Variants in MCPH1 observed in about 807,000 individuals in gnomAD.
MCPH1 encodes microcephalin 1.
A neutral mutation model predicts 84.5 loss-of-function variants in MCPH1; 104 were observed. The observed-to-expected ratio is 1.23, with a 90% confidence interval of 1.05 to 1.45. The LOEUF is 1.45. MCPH1 is among the 40% of genes most tolerant of loss of function. The pLI is 0.00. For missense variants in MCPH1, 1,498 were observed against 1,005.7 expected, an observed-to-expected ratio of 1.49 and a Z score of -6.62; for synonymous variants, 514 against 366.8, an observed-to-expected ratio of 1.40 and a Z score of -4.58.
chr8:6,567,045 C>T (rs1235457343), intron 12 of MCPH1, among the ~76,000 whole-genome samples: 13 of 144,068 alleles, frequency 9.0e-5, no homozygotes, highest in East Asian at 2.1e-4. Context: ...CATGTGTGAT[C>T]GGCAAGGCCA....
At chr8:6,457,822 A>G (rs1307676307) in intron 9 of MCPH1, among the ~76,000 whole-genome samples, 1 of 152,058 alleles carries the variant, frequency 6.6e-6, no homozygotes, top group African/African-American at 2.4e-5. Flanking sequence ...TCCAGTCCTT[A>G]TTAGTGTTCA....
chr8:6,643,270 T>C lies in MCPH1; in HGVS notation c.*221T>C. On this transcript the variant is annotated 3_prime_UTR_variant, in exon 14 of 14. Transcript: ENST00000344683. ...TTCGGGCCTTTTTATTTTTATTTTA[T>C]TTTTTATTTTTTGAGACGGAGTCCT... 1.8e-6 allele frequency: 1 copy of C among 567,114 alleles called. No homozygotes were observed. The highest frequency in any genetic ancestry group is 2.1e-5 in the South Asian group (1 of 46,620). The allele number at this position is 567,114 out of a possible 1,614,324, so 35.1% of individuals were successfully genotyped here.
Position 6,423,010 on chromosome 8 carries a change from A to T in MCPH1, c.233+8127A>T, listed in dbSNP as rs539602148. Among the ~76,000 whole-genome samples, 46 of 151,124 alleles carry T rather than the reference A, an allele frequency of 3.0e-4. 2 individuals carry two copies. In the South Asian group the frequency reaches 9.4e-3, roughly 31 times the overall value. On this transcript the variant is annotated intron_variant, in intron 3 of 13. Coordinates refer to ENST00000344683, the MANE Select transcript of MCPH1 (RefSeq NM_024596.5). The stretch of plus-strand genomic sequence containing the variant: ...GCCAATTTTTATATTTTTAGGAGAG[A>T]CAGGGTTTCACCATGTTGGCCAGGC...
chr8:6,636,630 G>A (rs957579509), intron 13 of MCPH1, among the ~76,000 whole-genome samples: 1 of 152,140 alleles, frequency 6.6e-6, no homozygotes, highest in East Asian at 1.9e-4. Context: ...CAGTCATGCT[G>A]TCGCACCTGG....
chr8:6,627,230 G>C (rs1586863716), intron 13 of MCPH1: 3 of 985,302 alleles, frequency 3.0e-6, no homozygotes. Context: ...AGATATGTGA[G>C]GCTTGATCAG....
rs1829443730 is a variant in MCPH1, at chr8:6,602,416, T to C, written c.2215-19038T>C. 2.0e-5 allele frequency among the ~76,000 whole-genome samples: 3 copies of C among 152,178 alleles called. No individual in the cohort carries two copies. In the South Asian group the frequency reaches 6.2e-4, roughly 32 times the overall value. ...CAACCAGAGGTGTCCGCAGGACACC[T>C]GAGCCTCAGCAGTGTCTGTGAGGAT... On this transcript the variant is annotated intron_variant, in intron 12 of 13. Coordinates refer to ENST00000344683, the MANE Select transcript of MCPH1 (RefSeq NM_024596.5).
intron 3 of MCPH1, among the ~76,000 whole-genome samples, chr8:6,416,275 TATGTCATGTCATGTC>T (rs58125557): frequency 0.97 from 147,310 of 151,584 alleles, 71,710 homozygotes; most frequent in Non-Finnish European, 1. Flanking sequence ...GGCCGCATGT[TATGTCATGTCATGTC>T]ATGTCATGTC....
chr8:6,627,683 C>T (rs572655589), intron 13 of MCPH1, among the ~76,000 whole-genome samples: 2 of 151,964 alleles, frequency 1.3e-5, no homozygotes, highest in African/African-American at 4.8e-5. Context: ...TTGAGCCCAG[C>T]AGCTCGAGTC....
At chr8:6,431,245 A>T (rs573511760) in intron 3 of MCPH1, among the ~76,000 whole-genome samples, 7 of 152,288 alleles carry the variant, frequency 4.6e-5, no homozygotes, top group African/African-American at 1.4e-4. Context: ...TACAAGTCAA[A>T]AATTGTTGTG....
intron 3 of MCPH1, among the ~76,000 whole-genome samples, chr8:6,425,623 A>G (rs1009809709): frequency 1.3e-5 from 2 of 152,246 alleles, no homozygotes; most frequent in Non-Finnish European, 2.9e-5. Flanking sequence ...GGAACAGAAC[A>G]CATCTTCCAC....
chr8:6,623,035 T>G (rs1424139988), intron 13 of MCPH1, among the ~76,000 whole-genome samples: 2 of 127,046 alleles, frequency 1.6e-5, no homozygotes, highest in East Asian at 4.4e-4. Context: ...TTTTTTTTTG[T>G]AGAGATGGGG....
intron 12 of MCPH1, among the ~76,000 whole-genome samples, chr8:6,577,806 C>G (rs562729689): frequency 6.6e-6 from 1 of 152,326 alleles, no homozygotes; most frequent in African/African-American, 2.4e-5. Context: ...GACCTTGTAG[C>G]CTAGAAAGAC....
chr8:6,406,869 TGCTCCTGCTCTCTCCCCCGCTGCCTGTCC>T (rs1797778984), intron 1 of MCPH1, among the ~76,000 whole-genome samples, 180 bp downstream of exon 1: 17 of 4,802 alleles, frequency 3.5e-3, no homozygotes, highest in African/African-American at 8.5e-3. Context: ...CAAAACCCCC[TGCTCCTGCTCTCTCCCCCGCTGCCTGTCC>T]CCCCAAAACC....
chr8:6,617,900 A>ATCTAATCTATCTATCT lies in MCPH1; in HGVS notation c.2215-3554_2215-3553insTCTAATCTATCTATCT, dbSNP rs1554480975. On this transcript the variant is annotated intron_variant, in intron 12 of 13. Coordinates refer to ENST00000344683, the MANE Select transcript of MCPH1 (RefSeq NM_024596.5). The stretch of plus-strand genomic sequence containing the variant: ...CATCCATCTATCTATCTATCTATCT[A>ATCTAATCTATCTATCT]ATCTATCTATCTATCTATCTATCTA... Among the ~76,000 whole-genome samples, 24 of 143,134 alleles carry ATCTAATCTATCTATCT rather than the reference A, an allele frequency of 1.7e-4. 1 individual carries two copies. Among genetic ancestry groups the ATCTAATCTATCTATCT allele is most frequent in the Admixed American group, 3.6e-4 (5 of 14,082 alleles). 93.9% of individuals were successfully genotyped at this position (143,134 alleles called of 152,430 possible).
rs1200664631 is a variant in MCPH1 at position 6,619,425 on chromosome 8, G to C, written c.2215-2029G>C. 2.6e-5 allele frequency among the ~76,000 whole-genome samples: 4 copies of C among 151,918 alleles called. No individual in the cohort carries two copies. In the East Asian group the frequency reaches 7.7e-4, roughly 29 times the overall value. On this transcript the variant is annotated intron_variant, in intron 12 of 13. Transcript: ENST00000344683. ...CCTGCCTCAGCCTCCCGAGTAGCTG[G>C]GATTACAGGCGCCTACCAAAATGCT...
intron 9 of MCPH1, among the ~76,000 whole-genome samples, chr8:6,475,061 A>G (rs758211619): frequency 7.4e-4 from 113 of 152,300 alleles, no homozygotes; most frequent in Admixed American, 3.3e-4. Flanking sequence ...GGAAGATTCA[A>G]TTTATAGGTG....
At chr8:6,548,447 T>C (rs1165665164) in intron 12 of MCPH1, among the ~76,000 whole-genome samples, 2 of 152,162 alleles carry the variant, frequency 1.3e-5, no homozygotes, top group Admixed American at 1.3e-4. Context: ...TTATCCCCAG[T>C]GGTCGCTAGC....
At chr8:6,531,001 T>G (rs1444660052) in intron 12 of MCPH1, among the ~76,000 whole-genome samples, 4 of 151,940 alleles carry the variant, frequency 2.6e-5, no homozygotes, top group African/African-American at 9.7e-5. Context: ...AATCTGCTCT[T>G]TTTTTAAAAG....
chr8:6,561,972 A>G (rs1385566675), intron 12 of MCPH1, among the ~76,000 whole-genome samples: 1 of 152,058 alleles, frequency 6.6e-6, no homozygotes, highest in Non-Finnish European at 1.5e-5. Context: ...CGCATTCCGC[A>G]CCGGTTGCTG....
Sources: gnomAD v4.1 joint callset for allele counts (sites outside exome capture counted in the v4.1 genomes callset) on GRCh38, gnomAD v4.1.1 for gene constraint, MANE v1.5 for transcripts, NCBI Gene and HGNC (gene_info 2026-07-23, HGNC 2026-07-21) for gene names.